CLN6: variants seen among roughly 807,000 people sequenced by gnomAD.
CLN6 encodes CLN6 transmembrane ER protein.
A neutral mutation model predicts 33.3 loss-of-function variants in CLN6; 22 were observed. The observed-to-expected ratio is 0.66, with a 90% CI of 0.47 to 0.94. The LOEUF is 0.94. Among genes scored for constraint, CLN6 ranks in the 40% least tolerant of loss-of-function variants. The pLI, the probability that CLN6 is intolerant of heterozygous loss-of-function variation, is 0.00. For missense variants in CLN6, 387 were observed against 417.1 expected, an observed-to-expected ratio of 0.93 and a Z score of 0.63; for synonymous variants, 201 against 174.6, an observed-to-expected ratio of 1.15 and a Z score of -1.19.
At chr15:68,240,180 C>T (rs1222052521) in intron 1 of CLN6, among the ~76,000 whole-genome samples, 1 of 152,004 alleles carries the variant, frequency 6.6e-6, no homozygotes. Context: ...ATAAGCTAGG[C>T]TTCACTGTAA....
intron 2 of CLN6, among the ~76,000 whole-genome samples, chr15:68,217,908 CCTACCTACCTAT>C (rs1460737408): frequency 0.034 from 973 of 28,254 alleles, 8 homozygotes; most frequent in South Asian, 0.056. Flanking sequence ...TACCTACCTA[CCTACCTACCTAT>C]CTATCTTCCA....
At chr15:68,239,159 C>A (rs1892259570) in intron 1 of CLN6, among the ~76,000 whole-genome samples, 1 of 151,348 alleles carries the variant, frequency 6.6e-6, no homozygotes, top group Non-Finnish European at 1.5e-5. Flanking sequence ...AAAACAAAAA[C>A]CCAATGCAGA....
At chr15:68,239,083 C>A (rs1892258478) in intron 1 of CLN6, among the ~76,000 whole-genome samples, 1 of 151,766 alleles carries the variant, frequency 6.6e-6, no homozygotes, top group African/African-American at 2.4e-5. Flanking sequence ...GGTAAAATTT[C>A]AAGGGTAATC....
intron 1 of CLN6, among the ~76,000 whole-genome samples, chr15:68,254,167 C>T (rs1407320088): frequency 6.6e-6 from 1 of 152,202 alleles, no homozygotes; most frequent in African/African-American, 2.4e-5. Flanking sequence ...GCGTGAGCCA[C>T]CGCGCCCGGC....
chr15:68,253,375 T>G (rs1892399402), intron 1 of CLN6, among the ~76,000 whole-genome samples: 1 of 152,230 alleles, frequency 6.6e-6, no homozygotes, highest in African/African-American at 2.4e-5. Flanking sequence ...TTTGCAAACT[T>G]AGAAGTGTTT....
rs146198681 is a variant in CLN6 at position 68,218,634 on chromosome 15, C to G, written c.100G>C (p.Ala34Pro). 6.2e-7 allele frequency: 1 copy of G among 1,613,306 alleles called. No individual in the cohort carries two copies. The highest frequency in any genetic ancestry group is 1.3e-5 in the African/African-American group (1 of 74,862). Residue 34 changes from alanine to proline, a missense_variant, in exon 2 of 7, where the codon GCT (alanine) becomes CCT (proline). Transcript: ENST00000249806. ...GGAGCCGTGCGGGCAGCCTCATCAG[C>G]GCTCACAGAGCCATGCCTGGGAAGG... is the stretch of plus-strand genomic sequence containing the variant. ...FLQARHGSVS[A>P]DEAARTAPFH...
upstream of CLN6, among the ~76,000 whole-genome samples, chr15:68,231,292 C>A (rs1373212312): frequency 6.6e-6 from 1 of 152,078 alleles, no homozygotes; most frequent in African/African-American, 2.4e-5. Flanking sequence ...CTGAAGAACA[C>A]ATTTGCTTTA....
chr15:68,234,183 TTC>T (rs1892193274), upstream of CLN6, among the ~76,000 whole-genome samples: 1 of 152,234 alleles, frequency 6.6e-6, no homozygotes, highest in African/African-American at 2.4e-5. The surrounding 1 kb of genome is among the most constrained non-coding windows in gnomAD (Gnocchi z 4.1). Flanking sequence ...CATGTCATCC[TTC>T]TCTCTTTCTC....
intron 2 of CLN6, among the ~76,000 whole-genome samples, chr15:68,217,785 C>T (rs1394980576): frequency 6.6e-6 from 1 of 152,146 alleles, no homozygotes; most frequent in Non-Finnish European, 1.5e-5. Context: ...ACTGTGCCCC[C>T]ACTACCAAAT....
upstream of CLN6, among the ~76,000 whole-genome samples, chr15:68,232,587 CT>C (rs1010568411): frequency 6.6e-6 from 1 of 152,256 alleles, no homozygotes; most frequent in African/African-American, 2.4e-5. The surrounding 1 kb of genome is among the most constrained non-coding windows in gnomAD (Gnocchi z 4.7). Flanking sequence ...TGCACCTCCT[CT>C]CCCCTTGGCC....
chr15:68,223,815 G>A (rs113345159), intron 1 of CLN6, among the ~76,000 whole-genome samples: 1,583 of 151,692 alleles, frequency 0.01, 11 homozygotes, highest in Non-Finnish European at 0.018. Context: ...GGAGGCTGAG[G>A]TGTACAGATC....
intron 1 of CLN6, chr15:68,254,672 A>G (rs1892415249): frequency 1.4e-6 from 1 of 726,614 alleles, no homozygotes; most frequent in South Asian, 1.4e-5. Context: ...TAAAGGAGAT[A>G]AAACCAAGAT....
chr15:68,207,790 A>C lies in CLN6; in HGVS notation c.*350T>G. On this transcript the variant is annotated 3_prime_UTR_variant, in exon 7 of 7. Transcript: ENST00000249806. ...CAGCCCTCTCCTGCACGGCTACCAG[A>C]AGATGTCCGGGAAGAACAGACTAGC... The C allele has an allele frequency of 5.4e-6, 2 of 371,720 alleles. No individual in the cohort carries two copies. Among genetic ancestry groups the C allele is most frequent in the Non-Finnish European group, 1.0e-5 (2 of 194,428 alleles). 23.0% of individuals were successfully genotyped at this position (371,720 alleles called of 1,614,324 possible). A position where few individuals can be genotyped will look rare whatever the true frequency, so the allele number is the denominator to read the frequency against.
chr15:68,214,496 C>A, intron 2 of CLN6, 108 bp from the exon 3 acceptor site: 2 of 736,958 alleles, frequency 2.7e-6, no homozygotes, highest in Non-Finnish European at 4.9e-6. Flanking sequence ...CTTTCACCCC[C>A]CACCCCATCA....
At position 68,209,854 on chromosome 15, in the gene CLN6, C is replaced by G. The variant is rs749942593; in HGVS notation, c.543-95G>C. The G allele has an allele frequency of 1.0e-5, 16 of 1,552,360 alleles. No individual in the cohort carries two copies. Among genetic ancestry groups the G allele is most frequent in the Non-Finnish European group, 1.3e-5 (15 of 1,133,374 alleles). On this transcript the variant is annotated intron_variant, in intron 5 of 6. Transcript: ENST00000249806. This position sits in a 1 kb window ranked among gnomAD's most constrained non-coding sequence, Gnocchi z 4.9. ...TCCCATGGGGTCTCATGGAGTGCCACGTCACAGTTTACAAAACGCCTAGCC... is the reference window on the plus strand; with the variant it reads ...TCCCATGGGGTCTCATGGAGTGCCAGGTCACAGTTTACAAAACGCCTAGCC...
intron 1 of CLN6, among the ~76,000 whole-genome samples, chr15:68,243,048 G>A (rs1324007318): frequency 1.3e-5 from 2 of 152,190 alleles, no homozygotes; most frequent in African/African-American, 4.8e-5. Context: ...TGGGGAATGT[G>A]CTTTTCGTAA....
chr15:68,247,496 A>T lies in CLN6; in HGVS notation c.179+9194T>A, dbSNP rs1892339432. On this transcript the variant is annotated intron_variant, in intron 1 of 6. Transcript: ENST00000538696. The surrounding 1 kb of genome is among the most constrained non-coding windows in gnomAD (Gnocchi z 4.2). ...AGAGGAGAAAGATCTCTTCAAGGAA[A>T]ACTACAAAGCACTGAAGAAATAAAT... 6.6e-6 allele frequency among the ~76,000 whole-genome samples: 1 copy of T among 152,142 alleles called. No homozygotes were observed. The highest frequency in any genetic ancestry group is 1.9e-4 in the East Asian group (1 of 5,206).
In CLN6 at chr15:68,208,820, T is replaced by A. The variant is rs980262981; in HGVS notation, c.666-410A>T. On this transcript the variant is annotated intron_variant, in intron 6 of 6. Transcript: ENST00000249806. The surrounding 1 kb of genome is among the most constrained non-coding windows in gnomAD (Gnocchi z 5.8). ...AGCGCTCCCCTAACGTCTTTCCCGC[T>A]CACTGTAGCTGCCACCCATTCTTTT... is the stretch of plus-strand genomic sequence containing the variant. Among the ~76,000 whole-genome samples the A allele has an allele frequency of 7.2e-5, 11 of 152,208 alleles. No individual in the cohort carries two copies. Among genetic ancestry groups the A allele is most frequent in the African/African-American group, 2.7e-4 (11 of 41,458 alleles).
Position 68,229,652 on chromosome 15 carries a change from C to A in CLN6, c.-68G>T. ...GACCGGTTCAGCTCGGCTGCCCCGG[C>A]GGAGGCCGCCGCAAATTCCCAGCGC... On this transcript the variant is annotated 5_prime_UTR_variant, in exon 1 of 7. Coordinates refer to ENST00000249806, the MANE Select transcript of CLN6 (RefSeq NM_017882.3). 7.9e-7 allele frequency: 1 copy of A among 1,273,554 alleles called. No homozygotes were observed. The highest frequency in any genetic ancestry group is 1.0e-6 in the Non-Finnish European group (1 of 978,030). 78.9% of individuals were successfully genotyped at this position (1,273,554 alleles called of 1,614,324 possible).
Sources: allele counts gnomAD v4.1 joint callset (sites outside exome capture counted in the v4.1 genomes callset), GRCh38; gene constraint gnomAD v4.1.1; non-coding constraint Gnocchi (gnomAD v3.1); transcripts MANE v1.5; gene names NCBI Gene and HGNC (gene_info 2026-07-23, HGNC 2026-07-21).